ADGRB3: variants seen among roughly 807,000 people sequenced by gnomAD.
ADGRB3 encodes the protein brain-specific angiogenesis inhibitor 3.
ADGRB3 carries 37 observed loss-of-function variants against 193.4 expected under a neutral mutation model. The ratio of observed to expected loss-of-function variants is 0.19; its 90% confidence interval spans 0.15 to 0.25. The LOEUF is 0.25. Ranked by LOEUF, ADGRB3 falls within the 10% of genes least tolerant of loss-of-function variation. The probability of loss-of-function intolerance (pLI) is 1.00; values close to 1 mark genes in which losing one functional copy is unlikely to be tolerated. For synonymous variants in ADGRB3, 690 were observed against 644.2 expected (o/e 1.07, Z -1.08); for missense variants, 1,637 against 1,852.9 (o/e 0.88, Z 2.14).
In ADGRB3 at chr6:68,661,363, GTA is replaced by G. The variant is rs1362343660; in HGVS notation, c.757+21939_757+21940del. On this transcript the variant is annotated intron_variant, in intron 3 of 31. Transcript: ENST00000370598. Reference sequence around the variant, plus strand: ...TATATGTGTGTGTGTGTGTGTGTGTGTATATATATGTGTATACATATATATAT... The same window carrying G: ...TATATGTGTGTGTGTGTGTGTGTGTGTATATATGTGTATACATATATATAT... Among the ~76,000 whole-genome samples, 65 of 97,080 alleles carry G rather than the reference GTA, an allele frequency of 6.7e-4. 2 individuals carry two copies. The highest frequency in any genetic ancestry group is 1.5e-3 in the African/African-American group (28 of 18,576). 63.7% of individuals were successfully genotyped at this position (97,080 alleles called of 152,430 possible).
At chr6:68,641,678 A>C (rs755385039) in intron 3 of ADGRB3, among the ~76,000 whole-genome samples, 9 of 152,246 alleles carry the variant, frequency 5.9e-5, no homozygotes, top group Non-Finnish European at 1.0e-4. Context: ...TACTGATGAC[A>C]CATTTGTAGG....
At chr6:68,765,214 T>C (rs1474746610) in intron 3 of ADGRB3, among the ~76,000 whole-genome samples, 1 of 152,170 alleles carries the variant, frequency 6.6e-6, no homozygotes. Context: ...TAATGTTGAA[T>C]AGCAAAATCA....
intron 20 of ADGRB3, among the ~76,000 whole-genome samples, chr6:69,294,585 G>A (rs968413236): frequency 4.6e-5 from 7 of 152,180 alleles, no homozygotes; most frequent in East Asian, 3.9e-4. Context: ...TCTTTTTCAC[G>A]TGTCATTCTA....
At chr6:69,020,908 T>C (rs1770244394) in intron 13 of ADGRB3, among the ~76,000 whole-genome samples, 1 of 152,014 alleles carries the variant, frequency 6.6e-6, no homozygotes, top group Admixed American at 6.6e-5. Context: ...CTATTAATAC[T>C]TTTTATGTTA....
intron 3 of ADGRB3, among the ~76,000 whole-genome samples, chr6:68,729,804 T>G (rs916775847): frequency 6.6e-6 from 1 of 151,594 alleles, no homozygotes; most frequent in Non-Finnish European, 1.5e-5. Flanking sequence ...TGATTCCCCA[T>G]TTACAAAGAC....
At chr6:69,057,010 C>G (rs1448941965) in intron 15 of ADGRB3, among the ~76,000 whole-genome samples, 1 of 151,960 alleles carries the variant, frequency 6.6e-6, no homozygotes, top group Non-Finnish European at 1.5e-5. Context: ...ACATTTTAAC[C>G]ATATTAAGTC....
chr6:68,936,794 A>G, intron 5 of ADGRB3, 114 bp downstream of exon 5: 1 of 1,105,996 alleles, frequency 9.0e-7, no homozygotes, highest in Non-Finnish European at 1.3e-6. Flanking sequence ...ATTAGAGTGG[A>G]TAAGTGTAAT....
intron 11 of ADGRB3, among the ~76,000 whole-genome samples, chr6:69,003,513 A>G (rs1394842154): frequency 6.6e-6 from 1 of 152,172 alleles, no homozygotes; most frequent in African/African-American, 2.4e-5. Flanking sequence ...CTGGCTCAGT[A>G]GAAAATAAGC....
At chr6:68,868,005 G>A (rs777786809) in intron 3 of ADGRB3, among the ~76,000 whole-genome samples, 43 of 152,182 alleles carry the variant, frequency 2.8e-4, no homozygotes, top group Non-Finnish European at 6.0e-4. Context: ...GTTAATGCTA[G>A]GATGAGTTAA....
At chr6:69,047,825 G>T (rs1271544638) in intron 13 of ADGRB3, among the ~76,000 whole-genome samples, 2 of 152,116 alleles carry the variant, frequency 1.3e-5, no homozygotes, top group African/African-American at 4.8e-5. Context: ...ATTAGTTCAA[G>T]TCTGTTAATC....
intron 15 of ADGRB3, among the ~76,000 whole-genome samples, chr6:69,052,963 A>G (rs1311393151): frequency 6.6e-6 from 1 of 152,208 alleles, no homozygotes; most frequent in Non-Finnish European, 1.5e-5. Context: ...AGGCGGGTGG[A>G]TGACTTGAGG....
chr6:69,382,930 AG>A lies in ADGRB3; in HGVS notation c.4376del (p.Ser1459IlefsTer30). 1 of 1,587,998 alleles carries A rather than the reference AG, an allele frequency of 6.3e-7. No individual in the cohort carries two copies. Among genetic ancestry groups the A allele is most frequent in the Non-Finnish European group, 8.6e-7 (1 of 1,160,252 alleles). On this transcript the variant is annotated frameshift_variant, in exon 31 of 32. Transcript: ENST00000370598. LOFTEE classifies it high-confidence loss of function. ...ATTTCGGGATATACCAAATACAAGC[AG>A]TATGGTAAGTATGCTTTGCTTCAAT... is the stretch of plus-strand genomic sequence containing the variant. ...DRFRDIPNTS[S>X]MENPAPNKNP...
Position 69,241,202 on chromosome 6 carries a change from A to G in ADGRB3, c.2814+1976A>G, listed in dbSNP as rs1766377720. Among the ~76,000 whole-genome samples, 3 of 151,960 alleles carry G rather than the reference A, an allele frequency of 2.0e-5. No homozygotes were observed. In the South Asian group the frequency reaches 6.2e-4, roughly 31 times the overall value. ...TCTAAATCACTGATGTACAATAGAA[A>G]TGCAATGCAAGACACAAATACAAGC... is the stretch of plus-strand genomic sequence containing the variant. On this transcript the variant is annotated intron_variant, in intron 20 of 31. Transcript: ENST00000370598.
chr6:68,944,072 G>A, intron 6 of ADGRB3, 78 bp downstream of exon 6: 1 of 1,423,618 alleles, frequency 7.0e-7, no homozygotes. Flanking sequence ...GAAATATTAA[G>A]AGTACAACCT....
intron 3 of ADGRB3, among the ~76,000 whole-genome samples, chr6:68,647,266 T>C (rs1768238470): frequency 6.6e-6 from 1 of 152,212 alleles, no homozygotes; most frequent in Non-Finnish European, 1.5e-5. Context: ...ATGTTTACAC[T>C]TGAAACAGTT....
intron 19 of ADGRB3, 35 bp from the exon 20 acceptor site, chr6:69,239,089 T>C (rs1766332599): frequency 7.6e-7 from 1 of 1,318,184 alleles, no homozygotes; most frequent in Non-Finnish European, 1.1e-6. Context: ...TTCTGTTGGA[T>C]TTTAAAGTTG....
At chr6:69,102,991 G>T (rs2150322423) in intron 17 of ADGRB3, among the ~76,000 whole-genome samples, 1 of 152,156 alleles carries the variant, frequency 6.6e-6, no homozygotes, top group Non-Finnish European at 1.5e-5. Flanking sequence ...TGAGTATTTT[G>T]TTTTGTATAT....
At chr6:69,165,335 T>G (rs948635610) in intron 17 of ADGRB3, among the ~76,000 whole-genome samples, 1 of 151,994 alleles carries the variant, frequency 6.6e-6, no homozygotes, top group Non-Finnish European at 1.5e-5. Flanking sequence ...AAATCCAAAA[T>G]ATGTAGGACA....
chr6:69,100,507 A>C (rs930230108), intron 17 of ADGRB3, among the ~76,000 whole-genome samples: 5 of 152,282 alleles, frequency 3.3e-5, no homozygotes, highest in Non-Finnish European at 7.4e-5. Flanking sequence ...TGTAATTAGT[A>C]ACTGGAAAAT....
Sources: allele counts gnomAD v4.1 joint callset (sites outside exome capture counted in the v4.1 genomes callset), GRCh38; gene constraint gnomAD v4.1.1; transcripts MANE v1.5; gene names NCBI Gene and HGNC (gene_info 2026-07-23, HGNC 2026-07-21).